ARL10: variants seen among roughly 807,000 people sequenced by gnomAD.
The protein encoded by ARL10 is ADP-ribosylation factor-like protein 10.
In ARL10, 23 loss-of-function variants were observed where a neutral mutation model predicts 26.1. The ratio of observed to expected loss-of-function variants is 0.88; its 90% confidence interval spans 0.63 to 1.25. ARL10 has a LOEUF of 1.25. Ranked by LOEUF, ARL10 falls within the 50% of genes most tolerant of loss-of-function variation. The probability of loss-of-function intolerance (pLI) is 0.00; values close to 1 mark genes in which losing one functional copy is unlikely to be tolerated. For synonymous variants in ARL10, 138 were observed against 149.1 expected (o/e 0.93, Z 0.54); for missense variants, 300 against 323.6 (o/e 0.93, Z 0.56).
chr5:176,365,722 C>T lies in ARL10; in HGVS notation c.159C>T (p.Arg53=). 1 of 1,238,432 alleles carries T rather than the reference C, an allele frequency of 8.1e-7. No individual in the cohort carries two copies. The highest frequency in any genetic ancestry group is 4.2e-5 in the Admixed American group (1 of 23,694). 76.7% of individuals were successfully genotyped at this position (1,238,432 alleles called of 1,614,324 possible). A position where few individuals can be genotyped will look rare whatever the true frequency, so the allele number is the denominator to read the frequency against. ...CCTGGTGGGGCGCGGAGGCTGCCCG[C>T]CTCCCCGAGTGGGACGAGTGGGACG... is the stretch of plus-strand genomic sequence containing the variant. The part of the protein sequence containing the change: ...GEAWWGAEAA[R]LPEWDEWDPE... Residue 53 remains arginine, a synonymous_variant, in exon 1 of 4, where the codon CGC becomes CGT. Transcript: ENST00000310389.
downstream of ARL10, among the ~76,000 whole-genome samples, chr5:176,404,548 C>T (rs1026226065): frequency 2.0e-5 from 3 of 152,246 alleles, no homozygotes; most frequent in Non-Finnish European, 4.4e-5. Flanking sequence ...TCTAAACCTC[C>T]GCTGCAGCCT....
the ARL10 span, chr5:176,410,196 T>G: frequency 1.9e-5 from 27 of 1,431,996 alleles, no homozygotes; most frequent in African/African-American, 3.8e-4. Context: ...ACAATGAGGC[T>G]TTAGGTTACT....
At position 176,395,237 on chromosome 5, in the gene ARL10, A is replaced by C. The variant is rs564830283; in HGVS notation, c.134-6504A>C. 1.6e-4 allele frequency among the ~76,000 whole-genome samples: 25 copies of C among 151,918 alleles called. 1 individual carries two copies. In the South Asian group the frequency reaches 5.2e-3, roughly 32 times the overall value. On this transcript the variant is annotated intron_variant, in intron 1 of 1. Coordinates refer to the ARL10 transcript ENST00000514533. The stretch of plus-strand genomic sequence containing the variant: ...CCCTATCCAGCAAACTCCTTCTCAC[A>C]CTTTAAGGTCAGCTGAAGGTCTTGC...
At position 176,368,073 on chromosome 5, in the gene ARL10, TAGAATCCTCAAGTGTC is replaced by T. The variant is rs776952304; in HGVS notation, c.386-729_386-714del. ...GTAAGTGCCTCTGACTCTCACAGCT[TAGAATCCTCAAGTGTC>T]AGAAACATAGCCAGAAACACTAGGG... On this transcript the variant is annotated intron_variant, in intron 2 of 3. Coordinates refer to ENST00000310389, the MANE Select transcript of ARL10 (RefSeq NM_173664.6). The surrounding 1 kb of genome is among the most constrained non-coding windows in gnomAD (Gnocchi z 4.1). The T allele has an allele frequency of 3.4e-5, 17 of 504,030 alleles. No homozygotes were observed. The East Asian group carries it at 8.9e-4, about 26-fold the overall frequency. 31.2% of individuals were successfully genotyped at this position (504,030 alleles called of 1,614,324 possible).
chr5:176,413,887 G>A, the ARL10 span, among the ~76,000 whole-genome samples: 1 of 152,202 alleles, frequency 6.6e-6, no homozygotes, highest in East Asian at 1.9e-4. Flanking sequence ...GAGACCCTCA[G>A]AAGGCTGTAT....
chr5:176,409,266 G>A, the ARL10 span, among the ~76,000 whole-genome samples: 2 of 116,738 alleles, frequency 1.7e-5, no homozygotes, highest in African/African-American at 3.3e-5. Flanking sequence ...GAGCCACCAC[G>A]CCCAGCCCAA....
chr5:176,408,863 T>C, the ARL10 span, among the ~76,000 whole-genome samples: 7 of 152,248 alleles, frequency 4.6e-5, no homozygotes, highest in African/African-American at 1.7e-4. Flanking sequence ...TTAAAGAATT[T>C]GTAAACAACC....
intron 1 of ARL10, chr5:176,397,747 G>T: frequency 6.3e-7 from 1 of 1,598,262 alleles, no homozygotes; most frequent in South Asian, 1.1e-5. Context: ...ATGAGTGGCT[G>T]CTTTCCAGCT....
downstream of ARL10, among the ~76,000 whole-genome samples, chr5:176,385,583 C>T (rs1265178055): frequency 5.3e-5 from 8 of 152,196 alleles, no homozygotes; most frequent in East Asian, 3.8e-4. Flanking sequence ...TCTCTCCGGG[C>T]CTCAGGTGGA....
downstream of ARL10, among the ~76,000 whole-genome samples, chr5:176,403,290 T>C (rs572902841): frequency 2.6e-4 from 39 of 152,196 alleles, no homozygotes; most frequent in Admixed American, 7.2e-4. Context: ...TCTCAGGTGA[T>C]CCACCCACCT....
At chr5:176,396,767 T>TC (rs1356253934) in intron 1 of ARL10, among the ~76,000 whole-genome samples, 8 of 152,124 alleles carry the variant, frequency 5.3e-5, no homozygotes, top group Non-Finnish European at 8.8e-5. Flanking sequence ...ATCATGTTAC[T>TC]CCTGTTCAAA....
chr5:176,372,257 A>G lies in ARL10; in HGVS notation c.*362A>G, dbSNP rs1204035193. ...CTGAGGAACCAGTGTAGGTGTCAGA[A>G]ATACTCCTAGAGCCTCAAGGTCTCC... On this transcript the variant is annotated 3_prime_UTR_variant, in exon 4 of 4. Transcript: ENST00000310389. 7.0e-6 allele frequency: 2 copies of G among 287,108 alleles called. No individual in the cohort carries two copies. The highest frequency in any genetic ancestry group is 1.3e-4 in the South Asian group (2 of 14,976). The allele number at this position is 287,108 out of a possible 1,614,324, so 17.8% of individuals were successfully genotyped here.
chr5:176,395,672 G>A (rs758727400), intron 1 of ARL10, among the ~76,000 whole-genome samples: 9 of 152,150 alleles, frequency 5.9e-5, no homozygotes, highest in Admixed American at 1.3e-4. Flanking sequence ...ATCACACCAA[G>A]TAGACCCCAA....
At chr5:176,392,038 TGAA>T (rs1756275820), downstream of ARL10, among the ~76,000 whole-genome samples, 1 of 152,180 alleles carries the variant, frequency 6.6e-6, no homozygotes, top group Non-Finnish European at 1.5e-5. The surrounding 1 kb of genome is among the most constrained non-coding windows in gnomAD (Gnocchi z 5.2). Context: ...TGAGCCCAGT[TGAA>T]GGAGGAAGCG....
At chr5:176,396,330 C>G (rs1756519073) in intron 1 of ARL10, 1 of 737,190 alleles carries the variant, frequency 1.4e-6, no homozygotes, top group African/African-American at 1.7e-5. Context: ...TGGTTGCTGC[C>G]TGCACCCACC....
chr5:176,382,879 G>A (rs111511816), downstream of ARL10, among the ~76,000 whole-genome samples: 380 of 152,342 alleles, frequency 2.5e-3, 1 homozygote, highest in African/African-American at 8.9e-3. Context: ...CCAAAGGCCT[G>A]AATTTGGAAT....
rs1768399334 is a variant in ARL10, at chr5:176,368,396, C to A, written c.386-411C>A. ...GGAATTAGCAAGAGGCAAAGCCAGACAACCCAGGGGAGAGAACTGAAGACT... is the reference window on the plus strand; with the variant it reads ...GGAATTAGCAAGAGGCAAAGCCAGAAAACCCAGGGGAGAGAACTGAAGACT... On this transcript the variant is annotated intron_variant, in intron 2 of 3. Transcript: ENST00000310389. The surrounding 1 kb of genome is among the most constrained non-coding windows in gnomAD (Gnocchi z 4.1). Among the ~76,000 whole-genome samples the A allele has an allele frequency of 6.6e-6, 1 of 152,128 alleles. No individual in the cohort carries two copies.
At chr5:176,383,891 C>T (rs936287614), downstream of ARL10, 43 of 1,348,966 alleles carry the variant, frequency 3.2e-5, no homozygotes, top group African/African-American at 5.9e-5. Context: ...TGGTTTTCAC[C>T]GGGGCAGCCC....
At position 176,375,155 on chromosome 5, in the gene ARL10, C is replaced by CCCATCCAT. The variant is rs1193616368; in HGVS notation, c.*3264_*3271dup. ...ACCCGTCCACCCATCCACCCACCCA[C>CCCATCCAT]CCATCCATCCACCCACCCACCCACC... On this transcript the variant is annotated 3_prime_UTR_variant, in exon 4 of 4. Coordinates refer to ENST00000310389, the MANE Select transcript of ARL10 (RefSeq NM_173664.6). 3.5e-3 allele frequency: 295 copies of CCCATCCAT among 85,286 alleles called. No homozygotes were observed. The highest frequency in any genetic ancestry group is 0.014 in the African/African-American group (281 of 20,776). 5.3% of individuals were successfully genotyped at this position (85,286 alleles called of 1,614,324 possible).
Sources: allele counts gnomAD v4.1 joint callset (sites outside exome capture counted in the v4.1 genomes callset), GRCh38; gene constraint gnomAD v4.1.1; non-coding constraint Gnocchi (gnomAD v3.1); transcripts MANE v1.5; gene names NCBI Gene and HGNC (gene_info 2026-07-23, HGNC 2026-07-21).